Variants in POLG2 observed in about 807,000 individuals in gnomAD.
POLG2 encodes the protein DNA polymerase subunit gamma-2.
Under a neutral mutation model 56.5 loss-of-function variants are expected in POLG2, and 50 were observed. The observed-to-expected ratio is 0.88, with a 90% CI of 0.71 to 1.12. POLG2 has a LOEUF of 1.12. POLG2 is among the 50% of genes most tolerant of loss of function. The pLI is 0.00. For synonymous variants in POLG2, 226 were observed against 222.6 expected (o/e 1.02, Z -0.14); for missense variants, 584 against 583.3 (o/e 1.00, Z -0.01).
rs782026609 is a variant in POLG2, at chr17:64,496,714, C to T, written c.255G>A (p.Gln85=). 3.1e-6 allele frequency: 5 copies of T among 1,613,996 alleles called. No individual in the cohort carries two copies. In the African/African-American group the frequency reaches 6.7e-5, roughly 22 times the overall value. The change falls in exon 1 of 8, where the codon CAG becomes CAA. Residue 85 remains glutamine, a synonymous_variant. Coordinates refer to ENST00000539111, the MANE Select transcript of POLG2 (RefSeq NM_007215.4). ...RRHFLSGSKQ[Q]LSRDSLLSGC... ...CACTCAGAAGAGAATCCCGGCTAAG[C>T]TGCTGCTTGCTTCCACTTAGGAAAT...
intron 3 of POLG2, among the ~76,000 whole-genome samples, chr17:64,492,353 T>C (rs1030579858): frequency 6.6e-6 from 1 of 152,196 alleles, no homozygotes; most frequent in South Asian, 2.1e-4. Flanking sequence ...TGGAGGTAGG[T>C]AGCAAAAGCT....
chr17:64,496,718 T>C lies in POLG2; in HGVS notation c.251A>G (p.Gln84Arg). Reference sequence around the variant, plus strand: ...CAGAAGAGAATCCCGGCTAAGCTGCTGCTTGCTTCCACTTAGGAAATGCCT... The same window carrying C: ...CAGAAGAGAATCCCGGCTAAGCTGCCGCTTGCTTCCACTTAGGAAATGCCT... ...QRRHFLSGSK[Q>R]QLSRDSLLSG... The change falls in exon 1 of 8, where the codon CAG becomes CGG. Residue 84 changes from glutamine (Q) to arginine (R), a missense_variant. Transcript: ENST00000539111. 2 of 1,614,128 alleles carry C rather than the reference T, an allele frequency of 1.2e-6. No homozygotes were observed. Among genetic ancestry groups the C allele is most frequent in the Non-Finnish European group, 1.7e-6 (2 of 1,180,022 alleles).
rs563195356 is a variant in POLG2, at chr17:64,485,855, C to T, written c.983G>A (p.Arg328Gln). Residue 328 changes from arginine to glutamine, a missense_variant, in exon 5 of 8, where the codon CGA becomes CAA. Coordinates refer to ENST00000539111, the MANE Select transcript of POLG2 (RefSeq NM_007215.4). Reference protein sequence around the residue: ...NVSKLHGRDGRKNVVPCVLSV... With the variant: ...NVSKLHGRDGQKNVVPCVLSV... Reference sequence around the variant, plus strand: ...GAGAACACAAGGAACCACATTTTTTCGTCCATCTCGGCCCTTCACAGAAAA... The same window carrying T: ...GAGAACACAAGGAACCACATTTTTTTGTCCATCTCGGCCCTTCACAGAAAA... 8.7e-6 allele frequency: 14 copies of T among 1,614,006 alleles called. No homozygotes were observed. Among genetic ancestry groups the T allele is most frequent in the East Asian group, 2.2e-5 (1 of 44,886 alleles).
rs1050770868 is a variant in POLG2 at position 64,481,439 on chromosome 17, A to G, written c.1192-1050T>C. 2.7e-5 allele frequency: 27 copies of G among 985,018 alleles called. 1 individual carries two copies. In the Admixed American group the frequency reaches 8.0e-4, roughly 29 times the overall value. The allele number at this position is 985,018 out of a possible 1,614,324, so 61.0% of individuals were successfully genotyped here. A position where few individuals can be genotyped will look rare whatever the true frequency, so the allele number is the denominator to read the frequency against. On this transcript the variant is annotated intron_variant, in intron 6 of 7. Transcript: ENST00000539111. ...CCCAGACAGAAATGACGACTGCTGAAGGAGTCTCTGGAACGAAATGAAAGC... is the reference window on the plus strand; with the variant it reads ...CCCAGACAGAAATGACGACTGCTGAGGGAGTCTCTGGAACGAAATGAAAGC...
chr17:64,492,335 A>C (rs1306793702), intron 3 of POLG2, among the ~76,000 whole-genome samples: 4 of 152,156 alleles, frequency 2.6e-5, no homozygotes, highest in African/African-American at 9.7e-5. Context: ...ACTAATATGG[A>C]AAGTTCATGG....
Position 64,492,718 on chromosome 17 carries a change from T to A in POLG2, c.744A>T (p.Ser248=). 6.2e-7 allele frequency: 1 copy of A among 1,613,596 alleles called. No homozygotes were observed. The part of the protein sequence containing the change: ...SLVWFTPPRT[S]NQWLDFWLRH... ...GTAACCAGAAATCAAGCCACTGGTT[T>A]GAAGTTCTCGGAGGAGTAAACCATA... The change falls in exon 3 of 8, where the codon TCA becomes TCT. Residue 248 remains serine, a synonymous_variant. Transcript: ENST00000539111.
chr17:64,482,191 C>T (rs1296830365), intron 6 of POLG2, among the ~76,000 whole-genome samples: 3 of 150,316 alleles, frequency 2.0e-5, no homozygotes, highest in Non-Finnish European at 3.0e-5. Context: ...GCAACCTCCA[C>T]CTCCCAGGTT....
At position 64,490,825 on chromosome 17, in the gene POLG2, T is replaced by C. The variant is rs1379421244; in HGVS notation, c.940A>G (p.Met314Val). The C allele has an allele frequency of 5.0e-6, 8 of 1,613,438 alleles. No individual in the cohort carries two copies. The highest frequency in any genetic ancestry group is 2.7e-5 in the African/African-American group (2 of 74,916). The change falls in exon 4 of 8, where the codon ATG (methionine) becomes GTG (valine). Residue 314 changes from methionine (M) to valine (V), a missense_variant. By Grantham distance (21) the Met-to-Val change is conservative (BLOSUM62 1). Coordinates refer to ENST00000539111, the MANE Select transcript of POLG2 (RefSeq NM_007215.4). The stretch of plus-strand genomic sequence containing the variant: ...AATTTAGACACATTGCCAGGATACA[T>C]GTGTAAAAGTTCGTGATCTCCTAGG... ...WNLGDHELLHMYPGNVSKLHG... is the reference protein window; with the variant it reads ...WNLGDHELLHVYPGNVSKLHG...
chr17:64,479,109 A>G lies in POLG2; in HGVS notation c.1293-1121T>C, dbSNP rs185614766. Among the ~76,000 whole-genome samples, 277 of 151,938 alleles carry G rather than the reference A, an allele frequency of 1.8e-3. 1 individual carries two copies. The highest frequency in any genetic ancestry group is 2.4e-3 in the Non-Finnish European group (160 of 67,976). ...AAGAAAGTTCAAGTGCTGCCCCTTCATTTTACACATAATAAAACCATTAGA... is the reference window on the plus strand; with the variant it reads ...AAGAAAGTTCAAGTGCTGCCCCTTCGTTTTACACATAATAAAACCATTAGA... On this transcript the variant is annotated intron_variant, in intron 7 of 7. Transcript: ENST00000539111.
At position 64,478,628 on chromosome 17, in the gene POLG2, T is replaced by G. The variant is rs571218560; in HGVS notation, c.1293-640A>C. On this transcript the variant is annotated intron_variant, in intron 7 of 7. Coordinates refer to ENST00000539111, the MANE Select transcript of POLG2 (RefSeq NM_007215.4). ...ACAAGAATAGTATGGCTGGGCGTGG[T>G]GACTCATGCCTGTAATCCCAGCACT... Among the ~76,000 whole-genome samples, 20 of 152,322 alleles carry G rather than the reference T, an allele frequency of 1.3e-4. No homozygotes were observed. The East Asian group carries it at 3.5e-3, about 26-fold the overall frequency.
chr17:64,480,846 G>A, intron 6 of POLG2, among the ~76,000 whole-genome samples: 1 of 152,128 alleles, frequency 6.6e-6, no homozygotes, highest in East Asian at 1.9e-4. Flanking sequence ...AAGGAGAGTG[G>A]TATTCCAGAA....
At chr17:64,494,012 A>G (rs1555669055) in intron 1 of POLG2, among the ~76,000 whole-genome samples, 1 of 152,210 alleles carries the variant, frequency 6.6e-6, no homozygotes, top group African/African-American at 2.4e-5. Flanking sequence ...AATCTAACAT[A>G]TGGTGATATT....
At chr17:64,496,256 C>T (rs1162598205) in intron 1 of POLG2, 151 bp downstream of exon 1, 13 of 612,216 alleles carry the variant, frequency 2.1e-5, no homozygotes, top group Non-Finnish European at 3.8e-5. Context: ...GGGTAGAGCA[C>T]TGTTAATATA....
At chr17:64,492,302 T>C (rs1568089975) in intron 3 of POLG2, among the ~76,000 whole-genome samples, 1 of 152,158 alleles carries the variant, frequency 6.6e-6, no homozygotes, top group Non-Finnish European at 1.5e-5. Context: ...TAAAACTTGA[T>C]CATCAATTAC....
intron 1 of POLG2, among the ~76,000 whole-genome samples, chr17:64,494,092 TTC>T (rs781882357): frequency 5.3e-5 from 8 of 152,226 alleles, no homozygotes; most frequent in Non-Finnish European, 1.0e-4. Flanking sequence ...ATGTACTGCA[TTC>T]TGAGTAGGTT....
intron 1 of POLG2, among the ~76,000 whole-genome samples, chr17:64,493,784 C>G (rs2038105348): frequency 6.6e-6 from 1 of 152,174 alleles, no homozygotes; most frequent in Non-Finnish European, 1.5e-5. Context: ...CCGCGCCCGA[C>G]AAAGATTTTC....
intron 7 of POLG2, among the ~76,000 whole-genome samples, chr17:64,480,044 G>C (rs185636487): frequency 5.3e-5 from 8 of 152,272 alleles, no homozygotes; most frequent in Non-Finnish European, 8.8e-5. Context: ...GATAAGCTGA[G>C]GTATACATAC....
At chr17:64,478,074 T>C (rs2037797218) in intron 7 of POLG2, 86 bp from the exon 8 acceptor site, 4 of 1,404,942 alleles carry the variant, frequency 2.8e-6, no homozygotes, top group Non-Finnish European at 4.0e-6. Context: ...TCAGTGTTCA[T>C]GCACTCTCAA....
At position 64,482,933 on chromosome 17, in the gene POLG2, A is replaced by G. The variant is rs782044366; in HGVS notation, c.1177T>C (p.Leu393=). Residue 393 remains leucine (L), a synonymous_variant, in exon 6 of 8, where the codon TTG becomes CTG. Coordinates refer to ENST00000539111, the MANE Select transcript of POLG2 (RefSeq NM_007215.4). ...ATTTAACTCACCTGTCTTAGTTCCA[A>G]TGTGGGGCCTCTTCCTACATCCAAA... is the stretch of plus-strand genomic sequence containing the variant. The part of the protein sequence containing the change: ...VALDVGRGPT[L]ELRQVCQGLF... 7 of 1,587,988 alleles carry G rather than the reference A, an allele frequency of 4.4e-6. No homozygotes were observed. The highest frequency in any genetic ancestry group is 5.2e-6 in the Non-Finnish European group (6 of 1,156,544).
Sources: gnomAD v4.1 joint callset for allele counts (sites outside exome capture counted in the v4.1 genomes callset) on GRCh38, gnomAD v4.1.1 for gene constraint, MANE v1.5 for transcripts, NCBI Gene and HGNC (gene_info 2026-07-23, HGNC 2026-07-21) for gene names.